RUNX2: variants seen among roughly 807,000 people sequenced by gnomAD.
The protein encoded by RUNX2 is RUNX family transcription factor 2, also known as runt-related transcription factor 2.
RUNX2 carries 10 observed loss-of-function variants against 51.7 expected under a neutral mutation model. The ratio of observed to expected loss-of-function variants is 0.19; its 90% CI spans 0.12 to 0.33. The LOEUF is 0.33. RUNX2 is among the 10% of genes least tolerant of loss of function. The pLI is 1.00. For missense variants in RUNX2, 562 were observed against 691.3 expected (o/e 0.81, Z 2.10); for synonymous variants, 276 against 273.6 (o/e 1.01, Z -0.09).
chr6:45,341,566 T>G (rs760472391), intron 2 of RUNX2, among the ~76,000 whole-genome samples: 1 of 152,146 alleles, frequency 6.6e-6, no homozygotes, highest in South Asian at 2.1e-4. Context: ...ATTAGAAACA[T>G]CCACTGAAAA....
intron 7 of RUNX2, among the ~76,000 whole-genome samples, chr6:45,513,189 G>A (rs1269044757): frequency 6.6e-6 from 1 of 152,074 alleles, no homozygotes; most frequent in Non-Finnish European, 1.5e-5. Flanking sequence ...AAAAGTTAAA[G>A]GCCCTTAGCT....
intron 3 of RUNX2, among the ~76,000 whole-genome samples, chr6:45,426,265 G>A (rs1324887072): frequency 2.0e-5 from 3 of 152,112 alleles, no homozygotes; most frequent in Non-Finnish European, 4.4e-5. Context: ...TCAAGGAAAC[G>A]GAAATAAATA....
chr6:45,464,066 G>A (rs1397423639), intron 5 of RUNX2, among the ~76,000 whole-genome samples: 1 of 152,068 alleles, frequency 6.6e-6, no homozygotes, highest in African/African-American at 2.4e-5. Flanking sequence ...GGTGGCAGGT[G>A]CCTGTAGTCC....
chr6:45,438,993 T>C (rs1328776795), intron 5 of RUNX2, among the ~76,000 whole-genome samples: 2 of 152,178 alleles, frequency 1.3e-5, no homozygotes, highest in African/African-American at 4.8e-5. Context: ...GAAGTACTTG[T>C]TCTATAACAA....
intron 5 of RUNX2, among the ~76,000 whole-genome samples, chr6:45,446,098 G>A (rs770758279): frequency 3.9e-5 from 6 of 152,184 alleles, no homozygotes; most frequent in Admixed American, 2.0e-4. Flanking sequence ...GCAGCACATG[G>A]CATGCTGCAG....
Position 45,434,704 on chromosome 6 carries a change from A to C in RUNX2, c.580+2685A>C, listed in dbSNP as rs531400102. 2.7e-3 allele frequency among the ~76,000 whole-genome samples: 407 copies of C among 152,064 alleles called. 2 individuals carry two copies. The highest frequency in any genetic ancestry group is 7.6e-3 in the African/African-American group (316 of 41,484). On this transcript the variant is annotated intron_variant, in intron 4 of 8. Transcript: ENST00000647337. ...GTGTTTAAAATGATTTTGGTCCTTA[A>C]ATTTTTTTTTGGTATGCTTTCTTTT...
At chr6:45,508,524 G>A (rs915441958) in intron 6 of RUNX2, among the ~76,000 whole-genome samples, 11 of 151,958 alleles carry the variant, frequency 7.2e-5, no homozygotes, top group South Asian at 4.2e-4. Flanking sequence ...CACTGCTCCC[G>A]GCCTATTTTA....
intron 5 of RUNX2, among the ~76,000 whole-genome samples, chr6:45,456,513 T>G (rs573753345): frequency 6.6e-6 from 1 of 152,344 alleles, no homozygotes; most frequent in Non-Finnish European, 1.5e-5. Context: ...GCTTTTCTTC[T>G]TGTCTCTTTT....
rs1361061525 is a variant in RUNX2, at chr6:45,549,053, T to C, written c.*1748T>C. The C allele has an allele frequency of 2.5e-6, 1 of 398,132 alleles. No homozygotes were observed. Among genetic ancestry groups the C allele is most frequent in the Non-Finnish European group, 4.4e-6 (1 of 226,098 alleles). The allele number at this position is 398,132 out of a possible 1,614,324, so 24.7% of individuals were successfully genotyped here. ...AAGGAGGGCAAGGGGCTGTGGAGTT[T>C]GGTGTCTACTAGTGTGTATGAATTT... is the stretch of plus-strand genomic sequence containing the variant. On this transcript the variant is annotated 3_prime_UTR_variant, in exon 9 of 9. Transcript: ENST00000647337.
intron 2 of RUNX2, among the ~76,000 whole-genome samples, chr6:45,347,258 A>AAT (rs1323488195): frequency 2.0e-5 from 3 of 152,214 alleles, no homozygotes; most frequent in Admixed American, 6.5e-5. Context: ...ACTACAGTGA[A>AAT]TAATTAAATT....
Position 45,430,575 on chromosome 6 carries a change from T to C in RUNX2, c.424-1288T>C, listed in dbSNP as rs140524742. On this transcript the variant is annotated intron_variant, in intron 3 of 8. Transcript: ENST00000647337. ...TCAGCCCTAAAATATAGGTATAGTG[T>C]GTATTATCACACTGTTAAGAAATCT... 2.6e-5 allele frequency among the ~76,000 whole-genome samples: 4 copies of C among 152,312 alleles called. No homozygotes were observed. In the East Asian group the frequency reaches 7.7e-4, roughly 29 times the overall value.
intron 2 of RUNX2, among the ~76,000 whole-genome samples, chr6:45,398,293 C>T (rs1236979954): frequency 6.6e-6 from 1 of 152,116 alleles, no homozygotes; most frequent in Admixed American, 6.6e-5. Context: ...CACACACTGC[C>T]TGATCACAAT....
At chr6:45,485,716 T>G (rs112302309) in intron 5 of RUNX2, among the ~76,000 whole-genome samples, 3 of 126,446 alleles carry the variant, frequency 2.4e-5, no homozygotes, top group African/African-American at 8.3e-5. Context: ...TATATATATA[T>G]ACACATATTT....
At chr6:45,504,627 T>A (rs1411644615) in intron 6 of RUNX2, among the ~76,000 whole-genome samples, 1 of 145,844 alleles carries the variant, frequency 6.9e-6, no homozygotes, top group African/African-American at 2.5e-5. Flanking sequence ...TAGTGTAGAT[T>A]GTTTTGAAAT....
intron 2 of RUNX2, among the ~76,000 whole-genome samples, chr6:45,331,724 T>C (rs1787556932): frequency 6.6e-6 from 1 of 152,018 alleles, no homozygotes; most frequent in Non-Finnish European, 1.5e-5. Flanking sequence ...CTGGCTGGTC[T>C]GTCTGACTCT....
Position 45,547,560 on chromosome 6 carries a change from C to T in RUNX2, c.*255C>T, listed in dbSNP as rs1802440426. On this transcript the variant is annotated 3_prime_UTR_variant, in exon 9 of 9. Coordinates refer to ENST00000647337, the MANE Select transcript of RUNX2 (RefSeq NM_001024630.4). The stretch of plus-strand genomic sequence containing the variant: ...GTTTACTATTTAAGATGTACTTTTA[C>T]AAAGGAACAAAGAAGGGAAAAGGTA... The T allele has an allele frequency of 7.5e-6, 4 of 531,456 alleles. No homozygotes were observed. The East Asian group carries it at 1.3e-4, about 18-fold the overall frequency. 32.9% of individuals were successfully genotyped at this position (531,456 alleles called of 1,614,324 possible). A position where few individuals can be genotyped will look rare whatever the true frequency, so the allele number is the denominator to read the frequency against.
At chr6:45,353,074 C>T (rs778295953) in intron 2 of RUNX2, among the ~76,000 whole-genome samples, 2 of 151,780 alleles carry the variant, frequency 1.3e-5, no homozygotes, top group Non-Finnish European at 2.9e-5. Context: ...GTTAACCGGC[C>T]CACTCATTAG....
chr6:45,368,410 C>T lies in RUNX2; in HGVS notation c.58+39626C>T, dbSNP rs558002006. Among the ~76,000 whole-genome samples the T allele has an allele frequency of 6.2e-4, 94 of 152,172 alleles. No homozygotes were observed. In the Middle Eastern group the frequency reaches 0.017, roughly 28 times the overall value. ...TAAAATGAAGGAATTTAAGGATGCA[C>T]GCCTTTCCTCAGAAAATATTGCTAT... On this transcript the variant is annotated intron_variant, in intron 2 of 8. Coordinates refer to ENST00000647337, the MANE Select transcript of RUNX2 (RefSeq NM_001024630.4).
chr6:45,366,042 T>A (rs1165960417), intron 2 of RUNX2, among the ~76,000 whole-genome samples: 1 of 152,152 alleles, frequency 6.6e-6, no homozygotes, highest in Non-Finnish European at 1.5e-5. Context: ...TTAGTCAAAG[T>A]AACATTAAAA....
Sources: gnomAD v4.1 joint callset for allele counts (sites outside exome capture counted in the v4.1 genomes callset) on GRCh38, gnomAD v4.1.1 for gene constraint, MANE v1.5 for transcripts, NCBI Gene and HGNC (gene_info 2026-07-23, HGNC 2026-07-21) for gene names.